Variants in PCDHGA1 observed in about 807,000 individuals in gnomAD.
PCDHGA1 encodes the protein protocadherin gamma-A1.
Under a neutral mutation model 58.0 loss-of-function variants are expected in PCDHGA1, and 32 were observed. The observed-to-expected ratio is 0.55, with a 90% CI of 0.42 to 0.74. The LOEUF is 0.74. Among genes scored for constraint, PCDHGA1 ranks in the 30% least tolerant of loss-of-function variants. The probability of loss-of-function intolerance (pLI) is 0.00; values close to 1 mark genes in which losing one functional copy is unlikely to be tolerated. For missense variants in PCDHGA1, 1,205 were observed against 1,182.3 expected (o/e 1.02, Z -0.28); for synonymous variants, 498 against 501.1 (o/e 0.99, Z 0.08).
At chr5:141,364,454 G>A (rs1162340616) in intron 1 of PCDHGA1, 3 of 1,613,884 alleles carry the variant, frequency 1.9e-6, no homozygotes, top group East Asian at 4.5e-5. Flanking sequence ...GCTGGACAAA[G>A]GCTCCTTCGT....
At position 141,489,108 on chromosome 5, in the gene PCDHGA1, A is replaced by C; in HGVS notation, c.2422-5699A>C. The C allele has an allele frequency of 2.0e-6, 1 of 489,086 alleles. No individual in the cohort carries two copies. The highest frequency in any genetic ancestry group is 3.5e-6 in the Non-Finnish European group (1 of 287,626). 30.3% of individuals were successfully genotyped at this position (489,086 alleles called of 1,614,324 possible). On this transcript the variant is annotated intron_variant, in intron 1 of 3. Transcript: ENST00000517417. This position sits in a 1 kb window ranked among gnomAD's most constrained non-coding sequence, Gnocchi z 4.5. The stretch of plus-strand genomic sequence containing the variant: ...TCGGTGACTAAGAACTGCTGCAAGC[A>C]GGCAAACCTCCGAGCAGTTTTTAAG...
At chr5:141,409,723 G>T (rs781363259) in intron 1 of PCDHGA1, 1 of 1,613,154 alleles carries the variant, frequency 6.2e-7, no homozygotes, top group Non-Finnish European at 8.5e-7. Flanking sequence ...ACGTGTCAGT[G>T]AGCGCGCAGA....
At chr5:141,405,231 C>T in intron 1 of PCDHGA1, 2 of 1,614,130 alleles carry the variant, frequency 1.2e-6, no homozygotes, top group Non-Finnish European at 1.7e-6. Flanking sequence ...TTCTCCCTCA[C>T]CGCTGACTCA....
chr5:141,410,238 C>CA, intron 1 of PCDHGA1: 1 of 1,614,046 alleles, frequency 6.2e-7, no homozygotes, highest in Non-Finnish European at 8.5e-7. Context: ...AGCGACCGCC[C>CA]TGTACTCTCT....
chr5:141,423,237 C>T (rs761825236), intron 1 of PCDHGA1: 74 of 1,613,798 alleles, frequency 4.6e-5, no homozygotes, highest in Middle Eastern at 3.3e-4. Flanking sequence ...ACAGCATCCC[C>T]GAAGTCCTGG....
In PCDHGA1 at chr5:141,486,334, C is replaced by T; in HGVS notation, c.2422-8473C>T. 1.2e-6 allele frequency: 2 copies of T among 1,614,098 alleles called. No individual in the cohort carries two copies. ...CAGGGTCAAACGGAGATGTGAGCCT[C>T]CGCATTCCTGACCACTTGCCATTTG... On this transcript the variant is annotated intron_variant, in intron 1 of 3. Coordinates refer to ENST00000517417, the MANE Select transcript of PCDHGA1 (RefSeq NM_018912.3). This position sits in a 1 kb window ranked among gnomAD's most constrained non-coding sequence, Gnocchi z 5.0.
chr5:141,436,121 C>T (rs2097796819), intron 1 of PCDHGA1, among the ~76,000 whole-genome samples: 1 of 152,154 alleles, frequency 6.6e-6, no homozygotes, highest in Admixed American at 6.5e-5. Context: ...AAACCTCTCT[C>T]CTCCATCATC....
intron 1 of PCDHGA1, among the ~76,000 whole-genome samples, chr5:141,455,445 C>T (rs1175054167): frequency 6.6e-6 from 1 of 152,134 alleles, no homozygotes; most frequent in Non-Finnish European, 1.5e-5. Context: ...TCCCCATCTA[C>T]CGCGGATACC....
At chr5:141,390,612 T>C (rs2092191763) in intron 1 of PCDHGA1, 1 of 296,168 alleles carries the variant, frequency 3.4e-6, no homozygotes, top group Non-Finnish European at 6.3e-6. Context: ...ATTTTCCTTC[T>C]TGTTGACTAA....
At chr5:141,458,386 G>A (rs1037969327) in intron 1 of PCDHGA1, among the ~76,000 whole-genome samples, 3 of 152,188 alleles carry the variant, frequency 2.0e-5, no homozygotes, top group African/African-American at 4.8e-5. Context: ...GAAGGAAGAC[G>A]CTCCCCCTTG....
At chr5:141,346,530 T>C in intron 1 of PCDHGA1, 2 of 1,573,352 alleles carry the variant, frequency 1.3e-6, no homozygotes, top group Non-Finnish European at 1.7e-6. Flanking sequence ...TTAACACATA[T>C]GTATTTGAGA....
chr5:141,331,020 T>C lies in PCDHGA1; in HGVS notation c.336T>C (p.Asp112=). 2 of 1,614,210 alleles carry C rather than the reference T, an allele frequency of 1.2e-6. No individual in the cohort carries two copies. The highest frequency in any genetic ancestry group is 1.7e-6 in the Non-Finnish European group (2 of 1,180,034). ...TGAGTTTTAATATCCTTGTTGAGGA[T>C]AAAATGAAGCTTTTTCCTGTTGAAG... The part of the protein sequence containing the change: ...CLVSFNILVE[D]KMKLFPVEVE... The change falls in exon 1 of 4, where the codon GAT becomes GAC. Residue 112 remains aspartate (D), a synonymous_variant. Coordinates refer to ENST00000517417, the MANE Select transcript of PCDHGA1 (RefSeq NM_018912.3).
At chr5:141,393,590 G>C (rs778378242) in intron 1 of PCDHGA1, 2 of 1,613,896 alleles carry the variant, frequency 1.2e-6, no homozygotes, top group South Asian at 1.1e-5. Context: ...CCCCAGGCAC[G>C]CGGCTGCTTA....
chr5:141,361,358 G>A, intron 1 of PCDHGA1: 1 of 1,613,958 alleles, frequency 6.2e-7, no homozygotes, highest in South Asian at 1.1e-5. Flanking sequence ...GTGACAGACG[G>A]CGCTCTGGAC....
chr5:141,344,854 A>G (rs775772837), intron 1 of PCDHGA1: 9 of 1,613,994 alleles, frequency 5.6e-6, no homozygotes, highest in Middle Eastern at 1.6e-4. Flanking sequence ...GAGGGATTCA[A>G]TGCTCAAGTG....
At position 141,350,760 on chromosome 5, in the gene PCDHGA1, A is replaced by G. The variant is rs756938646; in HGVS notation, c.2421+17655A>G. Reference sequence around the variant, plus strand: ...GTGGAAGGCAATTCACTGAAGTTATACACCATCAACCCCAATCAATACTTC... The same window carrying G: ...GTGGAAGGCAATTCACTGAAGTTATGCACCATCAACCCCAATCAATACTTC... On this transcript the variant is annotated intron_variant, in intron 1 of 3. Coordinates refer to ENST00000517417, the MANE Select transcript of PCDHGA1 (RefSeq NM_018912.3). The G allele has an allele frequency of 1.7e-5, 27 of 1,613,948 alleles. No individual in the cohort carries two copies. In the East Asian group the frequency reaches 5.6e-4, roughly 33 times the overall value.
chr5:141,400,311 T>A, intron 1 of PCDHGA1: 1 of 1,614,098 alleles, frequency 6.2e-7, no homozygotes, highest in Non-Finnish European at 8.5e-7. Flanking sequence ...CTGGTCTCTG[T>A]GTCAAGTCTG....
intron 1 of PCDHGA1, chr5:141,341,580 G>T: frequency 3.3e-6 from 4 of 1,211,848 alleles, no homozygotes; most frequent in Non-Finnish European, 4.5e-6. Context: ...AAGAAGAGAC[G>T]TGAGAATCTT....
chr5:141,485,632 G>T lies in PCDHGA1; in HGVS notation c.2422-9175G>T. The T allele has an allele frequency of 6.2e-7, 1 of 1,611,766 alleles. No homozygotes were observed. Among genetic ancestry groups the T allele is most frequent in the Non-Finnish European group, 8.5e-7 (1 of 1,178,342 alleles). The stretch of plus-strand genomic sequence containing the variant: ...CAGCTCCTCCAGGACAGCGTTTCCC[G>T]TTGGAAAAGGCTCAGGATGCAGATG... On this transcript the variant is annotated intron_variant, in intron 1 of 3. Coordinates refer to ENST00000517417, the MANE Select transcript of PCDHGA1 (RefSeq NM_018912.3). This position sits in a 1 kb window ranked among gnomAD's most constrained non-coding sequence, Gnocchi z 5.7.
Sources: gnomAD v4.1 joint callset for allele counts (sites outside exome capture counted in the v4.1 genomes callset) on GRCh38, gnomAD v4.1.1 for gene constraint, Gnocchi (gnomAD v3.1) non-coding constraint, MANE v1.5 for transcripts, NCBI Gene and HGNC (gene_info 2026-07-23, HGNC 2026-07-21) for gene names.